ADAM10: variants seen among roughly 807,000 people sequenced by gnomAD.
ADAM10 encodes disintegrin and metalloproteinase domain-containing protein 10.
Under a neutral mutation model 90.1 loss-of-function variants are expected in ADAM10, and 17 were observed. The ratio of observed to expected loss-of-function variants is 0.19; its 90% CI spans 0.13 to 0.28. The LOEUF is 0.28. Among genes scored for constraint, ADAM10 ranks in the 10% least tolerant of loss-of-function variants. The pLI is 1.00. For synonymous variants in ADAM10, 310 were observed against 298.6 expected (o/e 1.04, Z -0.40); for missense variants, 610 against 914.3 (o/e 0.67, Z 4.29).
chr15:58,668,133 G>T (rs1897118665), intron 4 of ADAM10, among the ~76,000 whole-genome samples: 1 of 152,098 alleles, frequency 6.6e-6, no homozygotes, highest in African/African-American at 2.4e-5. Context: ...CCAGAGAAAT[G>T]TTGCTTTATT....
intron 4 of ADAM10, among the ~76,000 whole-genome samples, chr15:58,669,892 T>C (rs1464756545): frequency 3.3e-5 from 5 of 152,124 alleles, no homozygotes; most frequent in Non-Finnish European, 5.9e-5. Flanking sequence ...TAATGTATAA[T>C]TGTGCTTATA....
chr15:58,732,939 T>C (rs1389212505), intron 1 of ADAM10: 1 of 152,824 alleles, frequency 6.5e-6, no homozygotes, highest in African/African-American at 2.4e-5. Flanking sequence ...ATTCCTATCT[T>C]ACAGCATATA....
rs1324075744 is a variant in ADAM10 at position 58,669,274 on chromosome 15, A to G, written c.485-4077T>C. On this transcript the variant is annotated intron_variant, in intron 4 of 15. Coordinates refer to ENST00000260408, the MANE Select transcript of ADAM10 (RefSeq NM_001110.4). ...GGCAATCATCCACAGTTTATTAAAC[A>G]CTGGTTGAATTTAATTTACTCATCC... 9.2e-5 allele frequency among the ~76,000 whole-genome samples: 14 copies of G among 152,328 alleles called. No homozygotes were observed. The East Asian group carries it at 2.7e-3, about 29-fold the overall frequency.
rs372699552 is a variant in ADAM10, at chr15:58,595,121, A to T, written c.*2426T>A. On this transcript the variant is annotated 3_prime_UTR_variant, in exon 16 of 16. Transcript: ENST00000260408. Reference sequence around the variant, plus strand: ...TTGAAAAACACATAAAAACAAGACCATAAGTTTTCAAAATGACTCACCTCT... The same window carrying T: ...TTGAAAAACACATAAAAACAAGACCTTAAGTTTTCAAAATGACTCACCTCT... 2 of 152,180 alleles carry T rather than the reference A, an allele frequency of 1.3e-5. No individual in the cohort carries two copies. Among genetic ancestry groups the T allele is most frequent in the Non-Finnish European group, 2.9e-5 (2 of 68,004 alleles). 9.4% of individuals were successfully genotyped at this position (152,180 alleles called of 1,614,324 possible).
chr15:58,638,989 T>C (rs28542491), intron 8 of ADAM10, among the ~76,000 whole-genome samples: 43,683 of 152,038 alleles, frequency 0.29, 8,873 homozygotes, highest in African/African-American at 0.57. Context: ...CATGAGAATA[T>C]CTGAAGATTT....
chr15:58,663,381 A>G (rs938359422), intron 5 of ADAM10, among the ~76,000 whole-genome samples: 1 of 152,142 alleles, frequency 6.6e-6, no homozygotes, highest in Non-Finnish European at 1.5e-5. Context: ...TCATATACGC[A>G]TGGGTCTTTT....
chr15:58,713,190 T>C (rs528179680), intron 2 of ADAM10, among the ~76,000 whole-genome samples: 1 of 152,180 alleles, frequency 6.6e-6, no homozygotes, highest in East Asian at 1.9e-4. Flanking sequence ...AGCCTCAACC[T>C]TCCTAGACTC....
rs1895508943 is a variant in ADAM10, at chr15:58,613,394, C to T, written c.1512-1403G>A. Among the ~76,000 whole-genome samples, 3 of 152,062 alleles carry T rather than the reference C, an allele frequency of 2.0e-5. No homozygotes were observed. The South Asian group carries it at 6.2e-4, about 32-fold the overall frequency. ...GACATGAACACAGGGACTCATGAAA[C>T]ATGAAAAAACAAATATATATGACAC... On this transcript the variant is annotated intron_variant, in intron 11 of 15. Coordinates refer to ENST00000260408, the MANE Select transcript of ADAM10 (RefSeq NM_001110.4).
At chr15:58,691,367 T>C in intron 2 of ADAM10, 2 of 897,658 alleles carry the variant, frequency 2.2e-6, no homozygotes, top group Non-Finnish European at 1.9e-6. Flanking sequence ...TCATATATAT[T>C]ACCTCGAAGC....
intron 2 of ADAM10, among the ~76,000 whole-genome samples, chr15:58,693,287 C>G (rs1897883046): frequency 6.6e-6 from 1 of 152,188 alleles, no homozygotes; most frequent in Non-Finnish European, 1.5e-5. Flanking sequence ...AGGGGTGACT[C>G]AAGAGCTAAT....
chr15:58,714,076 T>C (rs766417691), intron 2 of ADAM10, among the ~76,000 whole-genome samples: 42 of 152,162 alleles, frequency 2.8e-4, no homozygotes, highest in Non-Finnish European at 4.4e-4. Flanking sequence ...AGTGCTGGGA[T>C]TCCAGGCATG....
intron 2 of ADAM10, among the ~76,000 whole-genome samples, chr15:58,698,689 C>T (rs928924322): frequency 3.3e-5 from 5 of 151,246 alleles, no homozygotes; most frequent in Admixed American, 6.6e-5. Flanking sequence ...TTCATCAATA[C>T]ACTAGATCAA....
At chr15:58,713,692 C>G (rs941052845) in intron 2 of ADAM10, among the ~76,000 whole-genome samples, 6 of 152,138 alleles carry the variant, frequency 3.9e-5, no homozygotes, top group Non-Finnish European at 8.8e-5. Flanking sequence ...ACAGTTTAAT[C>G]TTCTAGTAAG....
Position 58,663,902 on chromosome 15 carries a change from C to T in ADAM10, c.585+1195G>A, listed in dbSNP as rs139233075. On this transcript the variant is annotated intron_variant, in intron 5 of 15. Transcript: ENST00000260408. ...CTACTTTTGTATATTAATATTTTAT[C>T]AAGCACCATGCTAAATTCTATCATA... is the stretch of plus-strand genomic sequence containing the variant. 3.5e-3 allele frequency among the ~76,000 whole-genome samples: 534 copies of T among 152,140 alleles called. 16 individuals are homozygous for T. Among genetic ancestry groups the T allele is most frequent in the East Asian group, 1.5e-3 (8 of 5,184 alleles).
intron 11 of ADAM10, among the ~76,000 whole-genome samples, chr15:58,613,006 T>C (rs1370830840): frequency 4.6e-5 from 7 of 152,186 alleles, no homozygotes; most frequent in Admixed American, 2.6e-4. Context: ...CAGGTGCTCG[T>C]AGGCCATGTC....
Position 58,717,557 on chromosome 15 carries a change from T to C in ADAM10, c.206+20A>G, listed in dbSNP as rs145650820. 2 of 1,613,654 alleles carry C rather than the reference T, an allele frequency of 1.2e-6. No homozygotes were observed. The highest frequency in any genetic ancestry group is 4.5e-5 in the East Asian group (2 of 44,804). ...GAATATAGAGGAACTTCAGACACAGTCAGCAATAAATTTACTTACCTTCCA... is the reference window on the plus strand; with the variant it reads ...GAATATAGAGGAACTTCAGACACAGCCAGCAATAAATTTACTTACCTTCCA... On this transcript the variant is annotated intron_variant, in intron 2 of 15. Coordinates refer to ENST00000260408, the MANE Select transcript of ADAM10 (RefSeq NM_001110.4).
At chr15:58,692,762 T>C (rs570030418) in intron 2 of ADAM10, 1 of 604,854 alleles carries the variant, frequency 1.7e-6, no homozygotes, top group African/African-American at 1.8e-5. Context: ...TTGTGCTTTG[T>C]GATGGCTACT....
intron 5 of ADAM10, 35 bp from the exon 6 acceptor site, chr15:58,646,239 T>C (rs1407844233): frequency 1.3e-6 from 2 of 1,590,346 alleles, no homozygotes; most frequent in South Asian, 2.2e-5. Context: ...ACAATTAGTA[T>C]GCTTCAATAC....
At chr15:58,643,220 T>C (rs1342664950) in intron 7 of ADAM10, among the ~76,000 whole-genome samples, 1 of 152,146 alleles carries the variant, frequency 6.6e-6, no homozygotes, top group African/African-American at 2.4e-5. Context: ...TTTATAACAT[T>C]AGAACTCATA....
Sources: allele counts gnomAD v4.1 joint callset (sites outside exome capture counted in the v4.1 genomes callset), GRCh38; gene constraint gnomAD v4.1.1; transcripts MANE v1.5; gene names NCBI Gene and HGNC (gene_info 2026-07-23, HGNC 2026-07-21).